The following ZNF624 variants were observed in gnomAD, a reference collection of about 807,000 sequenced individuals.
The protein encoded by ZNF624 is zinc finger protein 624.
ZNF624 carries 43 observed loss-of-function variants against 74.7 expected under a neutral mutation model. The observed-to-expected ratio is 0.58, with a 90% CI of 0.45 to 0.74. ZNF624 has a LOEUF of 0.74. Ranked by LOEUF, ZNF624 falls within the 30% of genes least tolerant of loss-of-function variation. The probability of loss-of-function intolerance (pLI) is 0.00; values close to 1 mark genes in which losing one functional copy is unlikely to be tolerated. For missense variants in ZNF624, 820 were observed against 1,030.0 expected, an observed-to-expected ratio of 0.80 and a Z score of 2.79; for synonymous variants, 331 against 341.3, an observed-to-expected ratio of 0.97 and a Z score of 0.33.
intron 5 of ZNF624, among the ~76,000 whole-genome samples, chr17:16,630,331 T>C (rs1297255767): frequency 1.3e-5 from 2 of 151,826 alleles, no homozygotes; most frequent in Admixed American, 1.3e-4. Context: ...CCGAGGTGGG[T>C]GGATCACCTG....
chr17:16,652,831 G>A (rs974933019), intron 1 of ZNF624, among the ~76,000 whole-genome samples: 1 of 152,328 alleles, frequency 6.6e-6, no homozygotes, highest in East Asian at 1.9e-4. Context: ...TTCTAACCCT[G>A]CTTTGGCTAC....
At chr17:16,637,958 A>T (rs1909373779) in intron 3 of ZNF624, among the ~76,000 whole-genome samples, 2 of 152,194 alleles carry the variant, frequency 1.3e-5, no homozygotes, top group Admixed American at 6.5e-5. Flanking sequence ...AAATTTTTGC[A>T]ACCTACTCAT....
intron 5 of ZNF624, among the ~76,000 whole-genome samples, chr17:16,632,640 T>A (rs1909232603): frequency 6.6e-6 from 1 of 152,234 alleles, no homozygotes; most frequent in Admixed American, 6.5e-5. Context: ...TGAACCAGAA[T>A]CTATTTCTTT....
At chr17:16,650,551 T>A (rs1909700609) in intron 1 of ZNF624, among the ~76,000 whole-genome samples, 1 of 152,060 alleles carries the variant, frequency 6.6e-6, no homozygotes, top group Admixed American at 6.5e-5. Flanking sequence ...GTGGCAGAGA[T>A]CTTTTCCAGG....
chr17:16,642,296 G>C (rs1001576555), intron 3 of ZNF624, among the ~76,000 whole-genome samples: 4 of 152,140 alleles, frequency 2.6e-5, no homozygotes, highest in African/African-American at 9.7e-5. Context: ...CAGTGCTCAA[G>C]ACAGTATGGT....
rs1484940985 is a variant in ZNF624 at position 16,622,047 on chromosome 17, T to C, written c.*241A>G. ...TAGGCAATTAACTAAAGATAATTTG[T>C]TAAATGAGTAAAGTATGAAATCTGG... On this transcript the variant is annotated 3_prime_UTR_variant, in exon 6 of 6. Transcript: ENST00000311331. The C allele has an allele frequency of 3.3e-6, 1 of 306,970 alleles. No homozygotes were observed. The highest frequency in any genetic ancestry group is 5.5e-5 in the East Asian group (1 of 18,240). 19.0% of individuals were successfully genotyped at this position (306,970 alleles called of 1,614,324 possible).
chr17:16,652,526 G>GTA (rs1909750609), intron 1 of ZNF624, among the ~76,000 whole-genome samples: 1 of 152,058 alleles, frequency 6.6e-6, no homozygotes, highest in African/African-American at 2.4e-5. Flanking sequence ...GATTATGCTC[G>GTA]TAACATATGT....
intron 3 of ZNF624, among the ~76,000 whole-genome samples, chr17:16,638,260 T>C (rs1000683805): frequency 6.6e-6 from 1 of 152,210 alleles, no homozygotes; most frequent in South Asian, 2.1e-4. Context: ...TTTTACACTG[T>C]TGGTGGGACC....
chr17:16,616,880 T>C (rs1908802273), downstream of ZNF624: 11 of 1,428,076 alleles, frequency 7.7e-6, no homozygotes, highest in Admixed American at 2.1e-4. Context: ...GACCTTGATC[T>C]TGACTTTGAG....
downstream of ZNF624, chr17:16,617,723 G>C: frequency 1.1e-5 from 18 of 1,603,356 alleles, no homozygotes; most frequent in Non-Finnish European, 1.4e-5. Flanking sequence ...TGTTCAGCTC[G>C]TAAAGGGCGT....
intron 1 of ZNF624, among the ~76,000 whole-genome samples, chr17:16,650,442 G>T: frequency 8.3e-6 from 1 of 120,448 alleles, no homozygotes; most frequent in African/African-American, 4.1e-5. Flanking sequence ...AATAATAGAA[G>T]AGACATGAAA....
intron 1 of ZNF624, among the ~76,000 whole-genome samples, chr17:16,653,395 C>G (rs1597501951): frequency 1.3e-5 from 2 of 152,246 alleles, no homozygotes; most frequent in East Asian, 3.9e-4. Flanking sequence ...TCAGGGCCTG[C>G]AAGGCGCGGG....
intron 5 of ZNF624, among the ~76,000 whole-genome samples, chr17:16,629,992 T>G (rs988143055): frequency 1.3e-5 from 2 of 152,218 alleles, no homozygotes; most frequent in Non-Finnish European, 2.9e-5. Flanking sequence ...GGTTAATATG[T>G]TGCCTATGGA....
At chr17:16,618,574 TA>T (rs1908837339), downstream of ZNF624, among the ~76,000 whole-genome samples, 1 of 152,108 alleles carries the variant, frequency 6.6e-6, no homozygotes, top group Non-Finnish European at 1.5e-5. Flanking sequence ...AGAACAAAAT[TA>T]GAAAACATAC....
In ZNF624 at chr17:16,624,202, C is replaced by T. The variant is rs116985228; in HGVS notation, c.684G>A (p.Glu228=). 0.013 allele frequency: 21,390 copies of T among 1,614,088 alleles called. 161 individuals carry two copies. The highest frequency in any genetic ancestry group is 0.016 in the Non-Finnish European group (19,165 of 1,180,024). ...AATTTAAATTCTCTGTGAAATTTTCCTCTTGTGTTTGGCATCTGCTGTGAA... is the reference window on the plus strand; with the variant it reads ...AATTTAAATTCTCTGTGAAATTTTCTTCTTGTGTTTGGCATCTGCTGTGAA... ...EELHSRCQTQ[E]ENFTENLNLI... The change falls in exon 6 of 6, where the codon GAG becomes GAA. Residue 228 remains glutamate (E), a synonymous_variant. Transcript: ENST00000311331.
chr17:16,626,603 T>C (rs1355305329), intron 5 of ZNF624, among the ~76,000 whole-genome samples: 1 of 151,940 alleles, frequency 6.6e-6, no homozygotes, highest in Non-Finnish European at 1.5e-5. Context: ...AAATTAAAAA[T>C]GAGCTGGGCA....
At chr17:16,647,187 A>T in intron 3 of ZNF624, 142 bp downstream of exon 3, 1 of 718,170 alleles carries the variant, frequency 1.4e-6, no homozygotes, top group Non-Finnish European at 2.4e-6. Context: ...GAAATCTGTT[A>T]AATTGATGCC....
At chr17:16,645,320 C>T (rs923653414) in intron 3 of ZNF624, among the ~76,000 whole-genome samples, 7 of 152,046 alleles carry the variant, frequency 4.6e-5, no homozygotes, top group South Asian at 2.1e-4. Flanking sequence ...TGCCTAGTCC[C>T]GGTTACTGGG....
Position 16,647,265 on chromosome 17 carries a change from G to C in ZNF624, c.153+64C>G, listed in dbSNP as rs8074987. ...ACTTGCAATTAACTGGGAACATTGA[G>C]AATCAGAGGCAGTAAAATAGGCATT... On this transcript the variant is annotated intron_variant, in intron 3 of 5. Transcript: ENST00000311331. The C allele has an allele frequency of 8.4e-4, 1,121 of 1,337,954 alleles. 9 individuals carry two copies. The African/African-American group carries it at 0.015, about 18-fold the overall frequency. The allele number at this position is 1,337,954 out of a possible 1,614,324, so 82.9% of individuals were successfully genotyped here. A position where few individuals can be genotyped will look rare whatever the true frequency, so the allele number is the denominator to read the frequency against.
Sources: allele counts gnomAD v4.1 joint callset (sites outside exome capture counted in the v4.1 genomes callset), GRCh38; gene constraint gnomAD v4.1.1; transcripts MANE v1.5; gene names NCBI Gene and HGNC (gene_info 2026-07-23, HGNC 2026-07-21).